PRKCH: variants seen among roughly 807,000 people sequenced by gnomAD.
PRKCH encodes the protein protein kinase C eta type.
PRKCH carries 28 observed loss-of-function variants against 82.5 expected under a neutral mutation model. That is an observed-to-expected ratio of 0.34 (90% CI 0.25 to 0.47). The LOEUF (loss-of-function observed/expected upper bound fraction) is 0.47. PRKCH is among the 20% of genes least tolerant of loss of function. The pLI is 1.00. For missense variants in PRKCH, 705 were observed against 881.8 expected (o/e 0.80, Z 2.54); for synonymous variants, 322 against 327.4 (o/e 0.98, Z 0.18).
rs145145525 is a variant in PRKCH at position 61,430,513 on chromosome 14, T to C, written c.428-12598T>C. On this transcript the variant is annotated intron_variant, in intron 2 of 13. Transcript: ENST00000332981. ...AGAAAAGCAGATGCCAGCCATGGTA[T>C]GATTTTGAACAGCCAGTGGAATAAA... Among the ~76,000 whole-genome samples, 883 of 152,264 alleles carry C rather than the reference T, an allele frequency of 5.8e-3. 10 individuals carry two copies. The highest frequency in any genetic ancestry group is 0.02 in the African/African-American group (839 of 41,538).
intron 10 of PRKCH, among the ~76,000 whole-genome samples, chr14:61,509,324 G>A (rs1366705653): frequency 1.3e-5 from 2 of 152,144 alleles, no homozygotes; most frequent in African/African-American, 2.4e-5. Context: ...AAAACATGCA[G>A]CCTCAAAGAC....
At chr14:61,510,317 A>G (rs1887320264) in intron 10 of PRKCH, among the ~76,000 whole-genome samples, 1 of 152,162 alleles carries the variant, frequency 6.6e-6, no homozygotes, top group African/African-American at 2.4e-5. Context: ...TAAGTAACAG[A>G]GGAGTAAGCC....
Position 61,322,761 on chromosome 14 carries a change from G to C in PRKCH, c.363+297G>C, listed in dbSNP as rs188323246. The C allele has an allele frequency of 4.8e-3, 1,584 of 329,222 alleles. 8 individuals carry two copies. Among genetic ancestry groups the C allele is most frequent in the Non-Finnish European group, 6.3e-3 (1,117 of 177,196 alleles). The allele number at this position is 329,222 out of a possible 1,614,324, so 20.4% of individuals were successfully genotyped here. Reference sequence around the variant, plus strand: ...GGTCACCCTTTCCGCCCAGTCTTTGGGTAAGGAGCTCCAACTTTCAGCACG... The same window carrying C: ...GGTCACCCTTTCCGCCCAGTCTTTGCGTAAGGAGCTCCAACTTTCAGCACG... On this transcript the variant is annotated intron_variant, in intron 1 of 13. Coordinates refer to ENST00000332981, the MANE Select transcript of PRKCH (RefSeq NM_006255.5).
At chr14:61,495,510 A>G (rs1339606591) in intron 10 of PRKCH, among the ~76,000 whole-genome samples, 1 of 152,268 alleles carries the variant, frequency 6.6e-6, no homozygotes, top group African/African-American at 2.4e-5. Context: ...TTATGTATTA[A>G]ATGAACACAA....
chr14:61,456,021 T>G (rs1420673845), intron 7 of PRKCH, among the ~76,000 whole-genome samples: 1 of 152,214 alleles, frequency 6.6e-6, no homozygotes. Context: ...AATTAGCACT[T>G]TGGCCCAAGG....
At chr14:61,533,976 C>T (rs1279467148) in intron 12 of PRKCH, among the ~76,000 whole-genome samples, 3 of 152,208 alleles carry the variant, frequency 2.0e-5, no homozygotes, top group Non-Finnish European at 4.4e-5. Flanking sequence ...AGTTATTTTA[C>T]TACCAGAAGA....
At chr14:61,388,240 T>A (rs75516925) in intron 1 of PRKCH, among the ~76,000 whole-genome samples, 4,658 of 152,284 alleles carry the variant, frequency 0.031, 201 homozygotes, top group African/African-American at 0.099. Context: ...AACCTGCAGT[T>A]TGTAAAACCC....
intron 10 of PRKCH, among the ~76,000 whole-genome samples, chr14:61,519,796 A>G (rs1176520655): frequency 6.6e-6 from 1 of 152,064 alleles, no homozygotes; most frequent in Non-Finnish European, 1.5e-5. Flanking sequence ...TCAGGGACAC[A>G]TTGTGGGGCT....
At chr14:61,483,435 G>A (rs1886070457) in intron 9 of PRKCH, among the ~76,000 whole-genome samples, 1 of 152,236 alleles carries the variant, frequency 6.6e-6, no homozygotes, top group Non-Finnish European at 1.5e-5. Flanking sequence ...TGGCCAACCC[G>A]AAGAGTTGTT....
chr14:61,356,452 C>G (rs2046151513), intron 1 of PRKCH, among the ~76,000 whole-genome samples: 1 of 152,152 alleles, frequency 6.6e-6, no homozygotes, highest in Non-Finnish European at 1.5e-5. Context: ...TGCCAAATTT[C>G]TGTGAAATCT....
chr14:61,495,567 G>T (rs1372461838), intron 10 of PRKCH, among the ~76,000 whole-genome samples: 1 of 152,216 alleles, frequency 6.6e-6, no homozygotes. Flanking sequence ...AAATGTTTAT[G>T]AAAAGTCTAC....
At chr14:61,286,733 G>A (rs1456537209) in intron 1 of PRKCH, among the ~76,000 whole-genome samples, 2 of 151,640 alleles carry the variant, frequency 1.3e-5, no homozygotes, top group Non-Finnish European at 2.9e-5. Context: ...CCGAGATCAC[G>A]TCATTGCACT....
At chr14:61,196,155 T>G (rs1467867278) in intron 1 of PRKCH, among the ~76,000 whole-genome samples, 2 of 152,012 alleles carry the variant, frequency 1.3e-5, no homozygotes, top group East Asian at 3.9e-4. Context: ...AAGCATAACA[T>G]TGGATCCTGG....
chr14:61,476,499 T>C (rs1445129222), intron 9 of PRKCH: 1 of 152,234 alleles, frequency 6.6e-6, no homozygotes, highest in African/African-American at 2.4e-5. Flanking sequence ...TTACCACTTA[T>C]TTATGCTTTA....
intron 9 of PRKCH, among the ~76,000 whole-genome samples, chr14:61,469,375 T>C (rs951941552): frequency 7.2e-5 from 11 of 152,204 alleles, no homozygotes; most frequent in African/African-American, 2.7e-4. Context: ...GAACATTGGG[T>C]TCTAGGGGAA....
At chr14:61,387,701 TGTGACACA>T (rs534487557) in intron 1 of PRKCH, among the ~76,000 whole-genome samples, 66 of 152,242 alleles carry the variant, frequency 4.3e-4, no homozygotes, top group African/African-American at 1.1e-3. Flanking sequence ...ACTGTTTCTC[TGTGACACA>T]GTAAGGAATA....
chr14:61,332,860 A>G (rs1337229360), intron 1 of PRKCH, among the ~76,000 whole-genome samples: 1 of 152,086 alleles, frequency 6.6e-6, no homozygotes, highest in Non-Finnish European at 1.5e-5. Context: ...CTTTCCTTAC[A>G]ATGGACTTTG....
chr14:61,400,028 T>C (rs1881521887), intron 2 of PRKCH, among the ~76,000 whole-genome samples: 1 of 152,224 alleles, frequency 6.6e-6, no homozygotes, highest in African/African-American at 2.4e-5. Flanking sequence ...GGCATCTGCT[T>C]TTTCTCTCTA....
intron 9 of PRKCH, among the ~76,000 whole-genome samples, chr14:61,470,021 C>T (rs140679362): frequency 6.6e-6 from 1 of 151,838 alleles, no homozygotes; most frequent in African/African-American, 2.4e-5. Context: ...GCTGGTGACC[C>T]TCCATGGCAG....
Sources: gnomAD v4.1 joint callset for allele counts (sites outside exome capture counted in the v4.1 genomes callset) on GRCh38, gnomAD v4.1.1 for gene constraint, MANE v1.5 for transcripts, NCBI Gene and HGNC (gene_info 2026-07-23, HGNC 2026-07-21) for gene names.